MMADHC: variants seen among roughly 807,000 people sequenced by gnomAD.
MMADHC encodes cobalamin trafficking protein CblD.
In MMADHC, 23 loss-of-function variants were observed where a neutral mutation model predicts 36.3. That is an observed-to-expected ratio of 0.63 (90% CI 0.46 to 0.90). MMADHC has a LOEUF of 0.90. Ranked by LOEUF, MMADHC falls within the 40% of genes least tolerant of loss-of-function variation. MMADHC has a pLI of 0.00. For synonymous variants in MMADHC, 97 were observed against 116.1 expected (o/e 0.84, Z 1.06); for missense variants, 330 against 348.0 (o/e 0.95, Z 0.41).
intron 2 of MMADHC, among the ~76,000 whole-genome samples, chr2:149,585,298 A>G (rs1285478326): frequency 6.6e-6 from 1 of 152,186 alleles, no homozygotes; most frequent in East Asian, 1.9e-4. Flanking sequence ...TTATGTTTTA[A>G]CTGTAAAATC....
At chr2:149,578,801 A>G (rs1682753117) in intron 4 of MMADHC, among the ~76,000 whole-genome samples, 1 of 152,164 alleles carries the variant, frequency 6.6e-6, no homozygotes, top group South Asian at 2.1e-4. Context: ...ACTCAGCCTA[A>G]AACTATGCAA....
At chr2:149,575,942 A>G in intron 5 of MMADHC, 101 bp from the exon 6 acceptor site, 1 of 930,116 alleles carries the variant, frequency 1.1e-6, no homozygotes, top group East Asian at 2.7e-5. Flanking sequence ...AATGCTGATT[A>G]AGTAAAATTA....
rs1001555373 is a variant in MMADHC, at chr2:149,569,781, G to A, written c.*193C>T. 1.6e-5 allele frequency: 9 copies of A among 572,364 alleles called. No individual in the cohort carries two copies. Among genetic ancestry groups the A allele is most frequent in the African/African-American group, 1.3e-4 (7 of 53,354 alleles). 35.5% of individuals were successfully genotyped at this position (572,364 alleles called of 1,614,324 possible). The stretch of plus-strand genomic sequence containing the variant: ...CCTATACAATGTGGATGTGTTCAAC[G>A]TGTATTCAATGATATGAATAAATGA... On this transcript the variant is annotated 3_prime_UTR_variant, in exon 8 of 8. Coordinates refer to ENST00000303319, the MANE Select transcript of MMADHC (RefSeq NM_015702.3).
chr2:149,587,413 T>C (rs183723303), intron 1 of MMADHC: 6 of 477,120 alleles, frequency 1.3e-5, no homozygotes, highest in Admixed American at 1.1e-4. Context: ...GAATGGGGGC[T>C]GGGTGGCCAA....
chr2:149,581,140 G>T lies in MMADHC; in HGVS notation c.154+987C>A, dbSNP rs1311556719. 2.0e-5 allele frequency among the ~76,000 whole-genome samples: 3 copies of T among 152,076 alleles called. 1 individual carries two copies. The East Asian group carries it at 5.8e-4, about 29-fold the overall frequency. On this transcript the variant is annotated intron_variant, in intron 3 of 7. Coordinates refer to ENST00000303319, the MANE Select transcript of MMADHC (RefSeq NM_015702.3). ...AGTGGATTTGACCATATGTTTACTG[G>T]TCATTTTAGGTTTTGTTTTCTGTGA...
intron 3 of MMADHC, 123 bp from the exon 4 acceptor site, chr2:149,579,771 C>T (rs1682770458): frequency 2.3e-6 from 2 of 869,886 alleles, no homozygotes; most frequent in African/African-American, 1.7e-5. Context: ...ATCTGCTTTC[C>T]CATGTGAATA....
At chr2:149,574,617 A>G (rs905341863) in intron 6 of MMADHC, among the ~76,000 whole-genome samples, 1 of 152,204 alleles carries the variant, frequency 6.6e-6, no homozygotes, top group Non-Finnish European at 1.5e-5. Flanking sequence ...ATACTAGAAC[A>G]GTCTTTTTGA....
chr2:149,582,848 G>C (rs1158330733), intron 2 of MMADHC, among the ~76,000 whole-genome samples: 1 of 152,150 alleles, frequency 6.6e-6, no homozygotes, highest in Non-Finnish European at 1.5e-5. Flanking sequence ...ATGGATGAAT[G>C]TGTAAATATC....
In MMADHC at chr2:149,571,122, T is replaced by A. The variant is rs753050139; in HGVS notation, c.659A>T (p.Tyr220Phe). The A allele has an allele frequency of 6.2e-7, 1 of 1,612,804 alleles. No homozygotes were observed. Among genetic ancestry groups the A allele is most frequent in the South Asian group, 1.1e-5 (1 of 90,958 alleles). The change falls in exon 7 of 8, where the codon TAT becomes TTT. Residue 220 changes from tyrosine to phenylalanine, a missense_variant. By Grantham distance (22) the Tyr-to-Phe change is conservative. Coordinates refer to ENST00000303319, the MANE Select transcript of MMADHC (RefSeq NM_015702.3). ...TGATGGGTCAATAAAGTCAGCCCAA[T>A]AACCCTCAGCTCGAAGAGCATAGCA... ...EICYALRAEG[Y>F]WADFIDPSSG... is the part of the protein sequence containing the mutation.
intron 4 of MMADHC, among the ~76,000 whole-genome samples, chr2:149,577,809 G>A (rs1244843468): frequency 6.6e-6 from 1 of 152,164 alleles, no homozygotes; most frequent in African/African-American, 2.4e-5. Context: ...CACAAGGTCA[G>A]GTGATCGAGA....
At chr2:149,584,722 T>C (rs548781013) in intron 2 of MMADHC, among the ~76,000 whole-genome samples, 3 of 152,192 alleles carry the variant, frequency 2.0e-5, no homozygotes, top group African/African-American at 4.8e-5. Context: ...ATAGTACTAA[T>C]CTGTTTCAAA....
intron 3 of MMADHC, among the ~76,000 whole-genome samples, chr2:149,581,361 T>C (rs1682791069): frequency 6.6e-6 from 1 of 152,178 alleles, no homozygotes; most frequent in Non-Finnish European, 1.5e-5. Flanking sequence ...TTAGAAAACT[T>C]GGGCAGGATG....
In MMADHC at chr2:149,587,071, A is replaced by C. The variant is rs2105053453; in HGVS notation, c.9+18T>G. On this transcript the variant is annotated intron_variant, in intron 2 of 7. Coordinates refer to ENST00000303319, the MANE Select transcript of MMADHC (RefSeq NM_015702.3). The stretch of plus-strand genomic sequence containing the variant: ...AAACGAGTTTACTATGCTGATTCTT[A>C]AGAGATAATTTACTCACATTGGCCA... 3 of 1,613,056 alleles carry C rather than the reference A, an allele frequency of 1.9e-6. No individual in the cohort carries two copies. The highest frequency in any genetic ancestry group is 2.5e-6 in the Non-Finnish European group (3 of 1,179,000).
chr2:149,577,176 T>C (rs1396430210), intron 4 of MMADHC, among the ~76,000 whole-genome samples: 2 of 152,172 alleles, frequency 1.3e-5, no homozygotes, highest in African/African-American at 2.4e-5. Flanking sequence ...TCCAGGGGCA[T>C]AGATGAGGAA....
chr2:149,580,541 A>C (rs756491980), intron 3 of MMADHC, among the ~76,000 whole-genome samples: 7 of 152,210 alleles, frequency 4.6e-5, no homozygotes, highest in Non-Finnish European at 1.0e-4. Flanking sequence ...TTAAACTAAT[A>C]ATTACTCAGA....
chr2:149,576,958 C>A (rs1302882984), intron 4 of MMADHC, among the ~76,000 whole-genome samples: 1 of 152,158 alleles, frequency 6.6e-6, no homozygotes, highest in Non-Finnish European at 1.5e-5. Flanking sequence ...AATACAGCCT[C>A]TCCTACAGGA....
At chr2:149,587,012 T>C in intron 2 of MMADHC, 77 bp downstream of exon 2, 1 of 1,434,728 alleles carries the variant, frequency 7.0e-7, no homozygotes, top group Admixed American at 1.7e-5. Context: ...AATGCCATCA[T>C]AATTAAACCC....
At chr2:149,570,993 A>G (rs887448843) in intron 7 of MMADHC, 92 bp downstream of exon 7, 13 of 1,074,936 alleles carry the variant, frequency 1.2e-5, no homozygotes, top group Non-Finnish European at 1.8e-5. Flanking sequence ...ATTTTTAAAA[A>G]GTCTTAATCT....
chr2:149,570,223 AT>A, intron 7 of MMADHC, 55 bp from the exon 8 acceptor site: 2 of 1,434,258 alleles, frequency 1.4e-6, no homozygotes, highest in South Asian at 1.2e-5. Context: ...TTTAGTAATA[AT>A]TTTTAGGTAA....
Sources: allele counts gnomAD v4.1 joint callset (sites outside exome capture counted in the v4.1 genomes callset), GRCh38; gene constraint gnomAD v4.1.1; transcripts MANE v1.5; gene names NCBI Gene and HGNC (gene_info 2026-07-23, HGNC 2026-07-21).